Variants in TNFRSF9 observed in about 807,000 individuals in gnomAD.
TNFRSF9 encodes tumor necrosis factor receptor superfamily member 9.
A neutral mutation model predicts 28.8 loss-of-function variants in TNFRSF9; 16 were observed. The observed-to-expected ratio is 0.55, with a 90% CI of 0.38 to 0.84. TNFRSF9 has a LOEUF of 0.84. Ranked by LOEUF, TNFRSF9 falls within the 40% of genes least tolerant of loss-of-function variation. TNFRSF9 has a pLI of 0.00. For missense variants in TNFRSF9, 303 were observed against 315.0 expected (o/e 0.96, Z 0.29); for synonymous variants, 131 against 117.0 (o/e 1.12, Z -0.77).
chr1:7,929,301 G>A (rs1340953341), intron 7 of TNFRSF9, among the ~76,000 whole-genome samples: 1 of 151,724 alleles, frequency 6.6e-6, no homozygotes, highest in East Asian at 1.9e-4. Flanking sequence ...AAGTATCTGG[G>A]ATTACAGGCA....
chr1:7,940,094 A>G lies in TNFRSF9; in HGVS notation c.-84-16T>C. On this transcript the variant is annotated splice_polypyrimidine_tract_variant and intron_variant, in intron 1 of 7. Transcript: ENST00000377507. ...AAATGTCACTCTGCAAAAGATAAAC[A>G]TTTCCAAGGAAAGGTGGTTTCTCCT... The G allele has an allele frequency of 8.9e-6, 7 of 784,238 alleles. No individual in the cohort carries two copies. The South Asian group carries it at 1.3e-4, about 14-fold the overall frequency. 48.6% of individuals were successfully genotyped at this position (784,238 alleles called of 1,614,324 possible).
chr1:7,925,087 G>C (rs1639624912), intron 7 of TNFRSF9, among the ~76,000 whole-genome samples: 1 of 152,128 alleles, frequency 6.6e-6, no homozygotes, highest in Non-Finnish European at 1.5e-5. Flanking sequence ...GCCGAGGTGG[G>C]CAGATTACCG....
chr1:7,929,142 C>CTT (rs149695340), intron 7 of TNFRSF9, among the ~76,000 whole-genome samples: 6 of 131,532 alleles, frequency 4.6e-5, no homozygotes, highest in African/African-American at 1.4e-4. Flanking sequence ...CTCAGTTTTT[C>CTT]TTTTTTTTCT....
intron 7 of TNFRSF9, among the ~76,000 whole-genome samples, chr1:7,930,687 C>T (rs750596973): frequency 6.6e-6 from 1 of 152,108 alleles, no homozygotes; most frequent in Middle Eastern, 3.4e-3. Context: ...GAGGATTGCT[C>T]GAGCTCTGGA....
intron 7 of TNFRSF9, among the ~76,000 whole-genome samples, chr1:7,927,723 G>A (rs1264104349): frequency 6.7e-6 from 1 of 148,284 alleles, no homozygotes; most frequent in Non-Finnish European, 1.5e-5. Flanking sequence ...AGTTATAAGA[G>A]ATAGAGGAAA....
At chr1:7,939,717 G>A (rs562495630) in intron 2 of TNFRSF9, among the ~76,000 whole-genome samples, 178 bp downstream of exon 2, 2 of 152,358 alleles carry the variant, frequency 1.3e-5, no homozygotes, top group African/African-American at 4.8e-5. Flanking sequence ...AGGCACAAGA[G>A]GTTGAATGAC....
chr1:7,919,610 C>A lies in TNFRSF9; in HGVS notation c.*1225G>T, dbSNP rs989177319. On this transcript the variant is annotated 3_prime_UTR_variant, in exon 8 of 8. Coordinates refer to ENST00000377507, the MANE Select transcript of TNFRSF9 (RefSeq NM_001561.6). Reference sequence around the variant, plus strand: ...ATCCCAGCTACTTGGGAGACTGAGGCGGGTGGATCACTTGAGCCCAGGAGT... The same window carrying A: ...ATCCCAGCTACTTGGGAGACTGAGGAGGGTGGATCACTTGAGCCCAGGAGT... 1.3e-5 allele frequency: 2 copies of A among 152,232 alleles called. No homozygotes were observed. The highest frequency in any genetic ancestry group is 4.8e-5 in the African/African-American group (2 of 41,464). The allele number at this position is 152,232 out of a possible 1,614,324, so 9.4% of individuals were successfully genotyped here.
intron 6 of TNFRSF9, 52 bp downstream of exon 6, chr1:7,934,961 T>A: frequency 1.2e-6 from 2 of 1,601,754 alleles, no homozygotes; most frequent in Non-Finnish European, 1.7e-6. Context: ...TTAGATACAA[T>A]CTGGAATCAC....
rs1639537519 is a variant in TNFRSF9 at position 7,920,243 on chromosome 1, AT to A, written c.*591del. 6.6e-6 allele frequency: 1 copy of A among 151,754 alleles called. No homozygotes were observed. Among genetic ancestry groups the A allele is most frequent in the Non-Finnish European group, 1.5e-5 (1 of 68,018 alleles). The allele number at this position is 151,754 out of a possible 1,614,324, so 9.4% of individuals were successfully genotyped here. ...TGGACTATGTAATTGAATTTAAACT[AT>A]AATTTTCTTTGGATTTCAAAAAAAC... On this transcript the variant is annotated 3_prime_UTR_variant, in exon 8 of 8. Transcript: ENST00000377507.
chr1:7,923,221 C>T (rs1348084325), intron 7 of TNFRSF9, among the ~76,000 whole-genome samples: 2 of 152,066 alleles, frequency 1.3e-5, no homozygotes, highest in Non-Finnish European at 2.9e-5. Context: ...TAGACAATAA[C>T]CACTCAATTC....
chr1:7,923,341 C>A (rs775849641), intron 7 of TNFRSF9, among the ~76,000 whole-genome samples: 24 of 152,226 alleles, frequency 1.6e-4, no homozygotes, highest in Non-Finnish European at 3.2e-4. Flanking sequence ...TCATCTCCCC[C>A]TCCCTCCTGG....
chr1:7,924,146 A>G (rs948696376), intron 7 of TNFRSF9, among the ~76,000 whole-genome samples: 12 of 152,184 alleles, frequency 7.9e-5, no homozygotes, highest in Non-Finnish European at 1.8e-4. Context: ...ATACTGATGT[A>G]AAAAACCTAC....
At chr1:7,923,586 C>A (rs1639594676) in intron 7 of TNFRSF9, among the ~76,000 whole-genome samples, 1 of 152,212 alleles carries the variant, frequency 6.6e-6, no homozygotes, top group Non-Finnish European at 1.5e-5. Context: ...CGCCTGTAAT[C>A]CCAATACTAT....
chr1:7,937,558 C>T (rs1639837814), intron 5 of TNFRSF9, 132 bp downstream of exon 5: 10 of 650,862 alleles, frequency 1.5e-5, no homozygotes, highest in South Asian at 1.2e-4. Context: ...AGTGTTCCCA[C>T]GCTGCCTATT....
chr1:7,935,439 A>G (rs1035138305), intron 5 of TNFRSF9, among the ~76,000 whole-genome samples: 1 of 152,186 alleles, frequency 6.6e-6, no homozygotes, highest in Non-Finnish European at 1.5e-5. Context: ...GATGAAGGCT[A>G]GCATAGGGTT....
At chr1:7,933,799 C>A (rs1639772646) in intron 6 of TNFRSF9, among the ~76,000 whole-genome samples, 1 of 151,788 alleles carries the variant, frequency 6.6e-6, no homozygotes, top group Admixed American at 6.6e-5. Flanking sequence ...GGCAGATCAC[C>A]TGAGGTCAAG....
chr1:7,922,340 C>T (rs1033927156), intron 7 of TNFRSF9, among the ~76,000 whole-genome samples: 5 of 152,134 alleles, frequency 3.3e-5, no homozygotes, highest in Admixed American at 3.3e-4. Flanking sequence ...CGTATTTGTC[C>T]TGCTGAGTAC....
In TNFRSF9 at chr1:7,937,747, T is replaced by C; in HGVS notation, c.356A>G (p.Asp119Gly). Residue 119 changes from aspartate to glycine, a missense_variant, in exon 5 of 8, where the codon GAC becomes GGC. Physicochemically the swap from Asp to Gly is moderately conservative, Grantham distance 94 (BLOSUM62 -1). Transcript: ENST00000377507. ...ATCGTTAAATGTCCCAAAGCAACAG[T>C]CTTTACAACCTTGTATTAAAAATGA... The part of the protein sequence containing the change: ...GQELTKKGCK[D>G]CCFGTFNDQK... The C allele has an allele frequency of 6.2e-7, 1 of 1,612,460 alleles. No individual in the cohort carries two copies. Among genetic ancestry groups the C allele is most frequent in the Admixed American group, 1.7e-5 (1 of 59,994 alleles).
In TNFRSF9 at chr1:7,919,198, A is replaced by G. The variant is rs148727292; in HGVS notation, c.*1637T>C. 6.6e-6 allele frequency: 1 copy of G among 152,262 alleles called. No individual in the cohort carries two copies. Among genetic ancestry groups the G allele is most frequent in the Non-Finnish European group, 1.5e-5 (1 of 68,022 alleles). 9.4% of individuals were successfully genotyped at this position (152,262 alleles called of 1,614,324 possible). A position where few individuals can be genotyped will look rare whatever the true frequency, so the allele number is the denominator to read the frequency against. On this transcript the variant is annotated 3_prime_UTR_variant, in exon 8 of 8. Transcript: ENST00000377507. ...GGACAGAGGCACGCAAGCTTGCAAT[A>G]GGCATGTCATACAAAAGTGTAAGAA...
Sources: allele counts gnomAD v4.1 joint callset (sites outside exome capture counted in the v4.1 genomes callset), GRCh38; gene constraint gnomAD v4.1.1; transcripts MANE v1.5; gene names NCBI Gene and HGNC (gene_info 2026-07-23, HGNC 2026-07-21).